The following CRACR2A variants were observed in gnomAD, a reference collection of about 807,000 sequenced individuals.
The protein encoded by CRACR2A is EF-hand calcium-binding domain-containing protein 4B.
Under a neutral mutation model 90.5 loss-of-function variants are expected in CRACR2A, and 79 were observed. The ratio of observed to expected loss-of-function variants is 0.87; its 90% confidence interval spans 0.73 to 1.05. The LOEUF (loss-of-function observed/expected upper bound fraction) is 1.05, where lower values mean the gene tolerates loss of function less well. CRACR2A is among the 50% of genes least tolerant of loss of function. The pLI is 0.00. For synonymous variants in CRACR2A, 338 were observed against 356.7 expected (o/e 0.95, Z 0.59); for missense variants, 823 against 897.2 (o/e 0.92, Z 1.06).
At chr12:3,685,598 G>A (rs1381581062) in intron 4 of CRACR2A, among the ~76,000 whole-genome samples, 1 of 152,154 alleles carries the variant, frequency 6.6e-6, no homozygotes, top group Non-Finnish European at 1.5e-5. Flanking sequence ...TGAACCTTGA[G>A]GACATTATAC....
At chr12:3,676,400 A>T (rs1945335881) in intron 6 of CRACR2A, among the ~76,000 whole-genome samples, 2 of 152,204 alleles carry the variant, frequency 1.3e-5, no homozygotes, top group African/African-American at 4.8e-5. Flanking sequence ...CATCCCTGTT[A>T]TAGGTTGTTC....
intron 10 of CRACR2A, among the ~76,000 whole-genome samples, chr12:3,650,560 C>T (rs4766153): frequency 0.54 from 81,575 of 151,980 alleles, 22,924 homozygotes; most frequent in East Asian, 0.89. Context: ...ATGAGTGCTC[C>T]GTGAGCAGAG....
At chr12:3,656,180 C>T (rs1486890689) in intron 9 of CRACR2A, 131 bp downstream of exon 9, 24 of 759,696 alleles carry the variant, frequency 3.2e-5, no homozygotes, top group African/African-American at 1.0e-4. Context: ...CTATCTTTTG[C>T]GCGACTAAAT....
At chr12:3,722,948 TCA>T (rs1946206935) in intron 2 of CRACR2A, among the ~76,000 whole-genome samples, 1 of 152,224 alleles carries the variant, frequency 6.6e-6, no homozygotes, top group Non-Finnish European at 1.5e-5. Flanking sequence ...TCTCTGAGCC[TCA>T]GTTTCCTTAT....
At chr12:3,738,122 G>C (rs1946474052) in intron 1 of CRACR2A, among the ~76,000 whole-genome samples, 1 of 152,180 alleles carries the variant, frequency 6.6e-6, no homozygotes, top group Admixed American at 6.5e-5. Context: ...ATCTCCATCT[G>C]ATCAGTTTTC....
At chr12:3,628,231 T>C (rs1944312292) in intron 15 of CRACR2A, among the ~76,000 whole-genome samples, 2 of 151,332 alleles carry the variant, frequency 1.3e-5, no homozygotes, top group South Asian at 4.2e-4. Flanking sequence ...CTTTCTCTCT[T>C]TCTTTCTTTC....
intron 1 of CRACR2A, among the ~76,000 whole-genome samples, chr12:3,741,248 C>T (rs907728560): frequency 1.2e-4 from 18 of 152,140 alleles, no homozygotes; most frequent in Non-Finnish European, 2.6e-4. Flanking sequence ...TGGACCCCTT[C>T]CTACTTCCTC....
rs914886238 is a variant in CRACR2A, at chr12:3,711,393, CTCAG to C, written c.-37+1840_-37+1843del. ...CCTTTAAACTTTGCTTAGATATTTC[CTCAG>C]TCAAATATCCAATTTCATCACTTGC... On this transcript the variant is annotated intron_variant, in intron 3 of 19. Transcript: ENST00000440314. The surrounding 1 kb of genome is among the most constrained non-coding windows in gnomAD (Gnocchi z 4.3). Among the ~76,000 whole-genome samples the C allele has an allele frequency of 2.6e-5, 4 of 152,320 alleles. No individual in the cohort carries two copies. The highest frequency in any genetic ancestry group is 9.6e-5 in the African/African-American group (4 of 41,578).
At chr12:3,617,594 G>A (rs947591505) in intron 18 of CRACR2A, among the ~76,000 whole-genome samples, 1 of 152,204 alleles carries the variant, frequency 6.6e-6, no homozygotes. Flanking sequence ...TACTCTAGCT[G>A]CCCTGGCTGT....
chr12:3,615,565 C>CGG, intron 19 of CRACR2A, 126 bp from the exon 20 acceptor site: 2 of 696,366 alleles, frequency 2.9e-6, no homozygotes, highest in South Asian at 1.9e-5. Context: ...ACCCTCACCA[C>CGG]GGCATCAGAG....
intron 8 of CRACR2A, among the ~76,000 whole-genome samples, chr12:3,658,620 T>C (rs944727963): frequency 7.9e-5 from 12 of 152,164 alleles, no homozygotes; most frequent in African/African-American, 2.9e-4. Flanking sequence ...TTGAATGACA[T>C]CTGTGATAAT....
chr12:3,657,825 C>T (rs1028017949), intron 8 of CRACR2A, among the ~76,000 whole-genome samples: 3 of 152,110 alleles, frequency 2.0e-5, no homozygotes, highest in African/African-American at 4.8e-5. Context: ...CAGGACAGGG[C>T]GTTCAGGGGG....
chr12:3,737,070 T>A (rs1045539915), intron 1 of CRACR2A, among the ~76,000 whole-genome samples: 9 of 152,178 alleles, frequency 5.9e-5, no homozygotes, highest in African/African-American at 2.2e-4. Flanking sequence ...GGATCACAAC[T>A]GGGGTAAGTG....
intron 4 of CRACR2A, among the ~76,000 whole-genome samples, chr12:3,687,290 C>T (rs574145114): frequency 2.0e-5 from 3 of 151,762 alleles, no homozygotes; most frequent in Non-Finnish European, 2.9e-5. Flanking sequence ...ATTTCATCAC[C>T]CAGGTATTAA....
intron 1 of CRACR2A, among the ~76,000 whole-genome samples, chr12:3,734,114 G>A (rs946302939): frequency 2.6e-5 from 4 of 151,116 alleles, no homozygotes; most frequent in Admixed American, 6.6e-5. Flanking sequence ...GGGACTACAG[G>A]CGCCCGCCAC....
intron 1 of CRACR2A, among the ~76,000 whole-genome samples, chr12:3,748,643 T>C (rs558776072): frequency 6.6e-6 from 1 of 152,250 alleles, no homozygotes; most frequent in African/African-American, 2.4e-5. Flanking sequence ...GTCCCTAATA[T>C]TGAACTTCAA....
At chr12:3,740,117 G>T (rs1296861710) in intron 1 of CRACR2A, among the ~76,000 whole-genome samples, 5 of 151,830 alleles carry the variant, frequency 3.3e-5, no homozygotes, top group Admixed American at 2.0e-4. Flanking sequence ...CCTTGCCCAG[G>T]GCTCTCCTTT....
chr12:3,648,143 T>C, intron 11 of CRACR2A: 1 of 1,039,428 alleles, frequency 9.6e-7, no homozygotes, highest in South Asian at 4.5e-5. Flanking sequence ...CAACTTCCCA[T>C]CAGTAAATTC....
intron 7 of CRACR2A, among the ~76,000 whole-genome samples, chr12:3,663,406 G>A (rs11609082): frequency 0.099 from 15,058 of 152,226 alleles, 1,026 homozygotes; most frequent in Non-Finnish European, 0.15. Context: ...AGAACTTGCT[G>A]TTTCTCTAAG....
Sources: gnomAD v4.1 joint callset for allele counts (sites outside exome capture counted in the v4.1 genomes callset) on GRCh38, gnomAD v4.1.1 for gene constraint, Gnocchi (gnomAD v3.1) non-coding constraint, MANE v1.5 for transcripts, NCBI Gene and HGNC (gene_info 2026-07-23, HGNC 2026-07-21) for gene names.